The following VAC14 variants were observed in gnomAD, a reference collection of about 807,000 sequenced individuals.
VAC14 encodes the protein protein VAC14 homolog.
Under a neutral mutation model 85.3 loss-of-function variants are expected in VAC14, and 47 were observed. The observed-to-expected ratio is 0.55, with a 90% CI of 0.44 to 0.70. The LOEUF is 0.70. VAC14 is among the 30% of genes least tolerant of loss of function. VAC14 has a pLI of 0.00. For synonymous variants in VAC14, 447 were observed against 430.5 expected, an observed-to-expected ratio of 1.04 and a Z score of -0.47; for missense variants, 861 against 1,004.3, an observed-to-expected ratio of 0.86 and a Z score of 1.93.
intron 14 of VAC14, among the ~76,000 whole-genome samples, chr16:70,729,526 G>A (rs2054527895): frequency 6.6e-6 from 1 of 152,124 alleles, no homozygotes; most frequent in South Asian, 2.1e-4. Flanking sequence ...TCCCCCAGCA[G>A]CATTCAGGCT....
Position 70,785,776 on chromosome 16 carries a change from G to T in VAC14, c.349C>A (p.Leu117Ile), listed in dbSNP as rs772153366. ...CGGGCCACCTTGACGATGTTGTAGA[G>T]GGCCTCGCAGGCATAGTAGCGCAGC... ...SRLRYYACEA[L>I]YNIVKVARGA... The change falls in exon 3 of 19, where the codon CTC becomes ATC. Residue 117 changes from leucine (L) to isoleucine (I), a missense_variant. This residue lies in a region of VAC14 where 629 missense variants were observed against 703.1 expected (regional missense o/e 0.89). Coordinates refer to ENST00000261776, the MANE Select transcript of VAC14 (RefSeq NM_018052.5). 1.3e-6 allele frequency: 2 copies of T among 1,587,088 alleles called. No individual in the cohort carries two copies. The highest frequency in any genetic ancestry group is 2.3e-5 in the East Asian group (1 of 43,778).
At chr16:70,742,988 A>C (rs962344888) in intron 13 of VAC14, among the ~76,000 whole-genome samples, 5 of 151,746 alleles carry the variant, frequency 3.3e-5, no homozygotes, top group African/African-American at 1.2e-4. Context: ...CTGTAAAAAC[A>C]CTAGCTAAAG....
At chr16:70,732,271 C>T (rs75615681) in intron 13 of VAC14, among the ~76,000 whole-genome samples, 3,185 of 152,294 alleles carry the variant, frequency 0.021, 99 homozygotes, top group African/African-American at 0.071. Flanking sequence ...ATCAAAAGTT[C>T]TTTCTTCCTC....
At chr16:70,711,054 C>T (rs1474457462) in intron 14 of VAC14, among the ~76,000 whole-genome samples, 2 of 152,252 alleles carry the variant, frequency 1.3e-5, no homozygotes, top group African/African-American at 4.8e-5. Context: ...AGCCGCCAGC[C>T]CCTGTCCCAT....
intron 1 of VAC14, among the ~76,000 whole-genome samples, chr16:70,789,602 G>A (rs8061200): frequency 0.78 from 118,062 of 152,196 alleles, 45,860 homozygotes; most frequent in African/African-American, 0.83. Context: ...GTTTAATCGT[G>A]AGAGACTGAA....
chr16:70,721,325 A>G (rs1326103878), intron 14 of VAC14, among the ~76,000 whole-genome samples: 3 of 150,544 alleles, frequency 2.0e-5, no homozygotes, highest in Admixed American at 6.6e-5. Context: ...AGCCCTGGGG[A>G]TGGGGATGGG....
chr16:70,776,098 T>C (rs897341943), intron 9 of VAC14, among the ~76,000 whole-genome samples: 6 of 152,234 alleles, frequency 3.9e-5, no homozygotes, highest in African/African-American at 1.2e-4. Flanking sequence ...ATAAGAACTA[T>C]TGTAGCATTT....
chr16:70,693,679 G>A (rs1002744634), intron 17 of VAC14, among the ~76,000 whole-genome samples: 10 of 152,208 alleles, frequency 6.6e-5, no homozygotes, highest in African/African-American at 1.4e-4. Context: ...GGCAGTCCCA[G>A]CTTCCCCAAG....
Position 70,695,601 on chromosome 16 carries a change from C to A in VAC14, c.1978G>T (p.Asp660Tyr), listed in dbSNP as rs2053689821. ...AGCTTGTCCACCTCTGCGAGGAAGT[C>A]CACGGTGACCTCCAGGTCCCCACTG... is the stretch of plus-strand genomic sequence containing the variant. The part of the protein sequence containing the change: ...QKFGDLEVTV[D>Y]FLAEVDKLVQ... The change falls in exon 17 of 19, where the codon GAC becomes TAC. Residue 660 changes from aspartate (D) to tyrosine (Y), a missense_variant. By Grantham distance (160) the Asp-to-Tyr change is radical. Transcript: ENST00000261776. 6.2e-7 allele frequency: 1 copy of A among 1,613,732 alleles called. No individual in the cohort carries two copies. The highest frequency in any genetic ancestry group is 2.2e-5 in the East Asian group (1 of 44,886).
chr16:70,710,156 C>T (rs2054000870), intron 14 of VAC14, among the ~76,000 whole-genome samples: 2 of 152,260 alleles, frequency 1.3e-5, no homozygotes, highest in South Asian at 4.1e-4. Flanking sequence ...CCAGGCCACA[C>T]AGCCAGGGCC....
chr16:70,786,910 G>T (rs986843217), intron 1 of VAC14, among the ~76,000 whole-genome samples: 14 of 152,194 alleles, frequency 9.2e-5, no homozygotes, highest in Admixed American at 7.9e-4. Flanking sequence ...CTACAGGGAG[G>T]TGCCGGCTGA....
chr16:70,728,796 C>G (rs935231196), intron 14 of VAC14, among the ~76,000 whole-genome samples: 7 of 152,378 alleles, frequency 4.6e-5, no homozygotes, highest in Admixed American at 2.6e-4. Context: ...TCTCCTTCCA[C>G]TGACTCCCTG....
At position 70,744,521 on chromosome 16, in the gene VAC14, G is replaced by C. The variant is rs371463788; in HGVS notation, c.1430C>G (p.Thr477Arg). Residue 477 changes from threonine (T) to arginine (R), a missense_variant, in exon 13 of 19, where the codon ACG (threonine) becomes AGG (arginine). By Grantham distance (71) the Thr-to-Arg change is moderately conservative. Transcript: ENST00000261776. ...GCCATCGAGGGGGCCTGGGTCATCC[G>C]TCTGGCCTGCGGGGGAGGAAGCGAT... ...AEIASSPAGQ[T>R]DDPGPLDGPD... 1 of 1,612,756 alleles carries C rather than the reference G, an allele frequency of 6.2e-7. No homozygotes were observed. The highest frequency in any genetic ancestry group is 1.3e-5 in the African/African-American group (1 of 74,838).
intron 14 of VAC14, among the ~76,000 whole-genome samples, chr16:70,702,528 A>G (rs2053849209): frequency 6.6e-6 from 1 of 152,048 alleles, no homozygotes; most frequent in African/African-American, 2.4e-5. Context: ...CTGGCAGCGG[A>G]GGGGCCTCCA....
intron 9 of VAC14, among the ~76,000 whole-genome samples, chr16:70,777,955 C>T (rs568307207): frequency 2.3e-4 from 35 of 152,124 alleles, no homozygotes; most frequent in Non-Finnish European, 3.7e-4. Flanking sequence ...GTCTCCTGGG[C>T]ACCTTGGTAA....
At chr16:70,750,827 G>A (rs544789645) in intron 12 of VAC14, among the ~76,000 whole-genome samples, 6 of 152,082 alleles carry the variant, frequency 3.9e-5, no homozygotes, top group South Asian at 2.1e-4. Context: ...AGGAGACCTC[G>A]GTGTGGAAAG....
At chr16:70,735,286 A>C (rs374952284) in intron 13 of VAC14, among the ~76,000 whole-genome samples, 4 of 152,014 alleles carry the variant, frequency 2.6e-5, no homozygotes, top group East Asian at 1.9e-4. Context: ...CCAGTGAGGA[A>C]ATGGCCAGGC....
chr16:70,695,655 T>A, intron 16 of VAC14, 32 bp from the exon 17 acceptor site: 1 of 1,605,462 alleles, frequency 6.2e-7, no homozygotes, highest in Non-Finnish European at 8.5e-7. Flanking sequence ...GTCTGTCTGC[T>A]GGGCCAGCAC....
chr16:70,688,790 T>A (rs936751565), intron 18 of VAC14: 102 of 985,492 alleles, frequency 1.0e-4, no homozygotes, highest in Non-Finnish European at 1.2e-4. Context: ...GCTGTCCCTG[T>A]CAAGCCCAGT....
Sources: gnomAD v4.1 joint callset for allele counts (sites outside exome capture counted in the v4.1 genomes callset) on GRCh38, gnomAD v4.1.1 for gene constraint, gnomAD v4.1.1 regional missense constraint, MANE v1.5 for transcripts, NCBI Gene and HGNC (gene_info 2026-07-23, HGNC 2026-07-21) for gene names.